LMX1B: variants seen among roughly 807,000 people sequenced by gnomAD.
LMX1B encodes the protein LIM homeobox transcription factor 1 beta.
A neutral mutation model predicts 51.4 loss-of-function variants in LMX1B; 12 were observed. The observed-to-expected ratio is 0.23, with a 90% confidence interval of 0.15 to 0.38. LMX1B has a LOEUF of 0.38. Ranked by LOEUF, LMX1B falls within the 10% of genes least tolerant of loss-of-function variation. The pLI is 1.00. For synonymous variants in LMX1B, 237 were observed against 235.4 expected, an observed-to-expected ratio of 1.01 and a Z score of -0.06; for missense variants, 445 against 571.1, an observed-to-expected ratio of 0.78 and a Z score of 2.25.
In LMX1B at chr9:126,677,812, C is replaced by T. The variant is rs1210216810; in HGVS notation, c.327-13024C>T. 6.6e-6 allele frequency among the ~76,000 whole-genome samples: 1 copy of T among 152,194 alleles called. No individual in the cohort carries two copies. Among genetic ancestry groups the T allele is most frequent in the Non-Finnish European group, 1.5e-5 (1 of 68,032 alleles). On this transcript the variant is annotated intron_variant, in intron 2 of 7. Transcript: ENST00000373474. This position sits in a 1 kb window ranked among gnomAD's most constrained non-coding sequence, Gnocchi z 5.0. ...TCAGGGCATTGCGGGGAGGAGGAAG[C>T]TTAGTCCAGATCTCAGGAAAGAGAC...
At position 126,696,307 on chromosome 9, in the gene LMX1B, C is replaced by A; in HGVS notation, c.1065C>A (p.Ile355=). Residue 355 remains isoleucine, a synonymous_variant, in exon 8 of 8, where the codon ATC becomes ATA. Coordinates refer to ENST00000373474, the MANE Select transcript of LMX1B (RefSeq NM_001174147.2). ...DHMNPYGNDS[I]FHDIDSDTSL... ...TCTGCCCCCCAGGGAACGACTCCAT[C>A]TTCCATGACATCGACAGCGATACCT... The A allele has an allele frequency of 6.2e-7, 1 of 1,614,088 alleles. No individual in the cohort carries two copies.
chr9:126,655,048 A>G (rs1375958192), intron 2 of LMX1B, among the ~76,000 whole-genome samples: 1 of 152,204 alleles, frequency 6.6e-6, no homozygotes, highest in African/African-American at 2.4e-5. Context: ...ACCCTGTGAA[A>G]TGGGGCGGTG....
At chr9:126,694,322 C>G (rs2030252253) in intron 6 of LMX1B, among the ~76,000 whole-genome samples, 1 of 152,178 alleles carries the variant, frequency 6.6e-6, no homozygotes. Flanking sequence ...GCCAGTAAGG[C>G]AAAGCTGGAC....
rs527338424 is a variant in LMX1B, at chr9:126,663,838, G to T, written c.327-26998G>T. On this transcript the variant is annotated intron_variant, in intron 2 of 7. Transcript: ENST00000373474. The stretch of plus-strand genomic sequence containing the variant: ...CTTGGTTGCCCTGCTTGGGAAATGG[G>T]CTCATCCCAGACCAGGCCACCCATG... Among the ~76,000 whole-genome samples, 7 of 152,362 alleles carry T rather than the reference G, an allele frequency of 4.6e-5. No individual in the cohort carries two copies. In the South Asian group the frequency reaches 1.2e-3, roughly 27 times the overall value.
chr9:126,633,741 C>T (rs1256984435), intron 2 of LMX1B, among the ~76,000 whole-genome samples: 1 of 152,198 alleles, frequency 6.6e-6, no homozygotes, highest in African/African-American at 2.4e-5. Context: ...AATTATACAG[C>T]ATGATGGAAG....
chr9:126,691,213 G>A (rs1003491845), intron 3 of LMX1B, 145 bp downstream of exon 3: 20 of 636,272 alleles, frequency 3.1e-5, no homozygotes, highest in African/African-American at 2.7e-4. Flanking sequence ...AGATGCACAC[G>A]CGCACTGACG....
chr9:126,643,688 G>A (rs1472274995), intron 2 of LMX1B, among the ~76,000 whole-genome samples: 1 of 152,160 alleles, frequency 6.6e-6, no homozygotes, highest in Non-Finnish European at 1.5e-5. Flanking sequence ...TGAGCATCCT[G>A]GGATCTCTGG....
chr9:126,624,208 G>T (rs933551475), intron 2 of LMX1B, among the ~76,000 whole-genome samples: 2 of 152,234 alleles, frequency 1.3e-5, no homozygotes, highest in Non-Finnish European at 2.9e-5. Flanking sequence ...GCTTCTCAGC[G>T]TTTCGGGGAC....
intron 2 of LMX1B, among the ~76,000 whole-genome samples, chr9:126,627,243 C>T (rs1212497366): frequency 6.6e-6 from 1 of 152,090 alleles, no homozygotes; most frequent in African/African-American, 2.4e-5. Context: ...GCAGCTGAGG[C>T]TCATCCACGA....
chr9:126,614,805 C>T (rs1835270626), intron 1 of LMX1B, among the ~76,000 whole-genome samples: 1 of 152,124 alleles, frequency 6.6e-6, no homozygotes, highest in Admixed American at 6.5e-5. Flanking sequence ...CGCCACCCAC[C>T]ATCCTTTCCA....
intron 2 of LMX1B, among the ~76,000 whole-genome samples, chr9:126,670,116 C>T (rs576007164): frequency 6.6e-6 from 1 of 152,286 alleles, no homozygotes; most frequent in South Asian, 2.1e-4. Flanking sequence ...AGAGTCCCGG[C>T]GTGTGCCTCA....
chr9:126,637,822 T>TCCCCCC (rs56108871), intron 2 of LMX1B, among the ~76,000 whole-genome samples: 4 of 91,996 alleles, frequency 4.3e-5, no homozygotes, highest in Non-Finnish European at 4.3e-5. Flanking sequence ...GTGCCTGTCC[T>TCCCCCC]CCCCCCCCCC....
chr9:126,670,460 G>A (rs116055617), intron 2 of LMX1B, among the ~76,000 whole-genome samples: 1,894 of 152,296 alleles, frequency 0.012, 33 homozygotes, highest in African/African-American at 0.043. Flanking sequence ...GTGCAGACGC[G>A]CTCAGATTTG....
At position 126,673,539 on chromosome 9, in the gene LMX1B, A is replaced by C. The variant is rs554178796; in HGVS notation, c.327-17297A>C. ...GGTGGAGATGGACAAGGGAACACAG[A>C]TTTGGGGCCAAACATGAGGCCACGG... is the stretch of plus-strand genomic sequence containing the variant. On this transcript the variant is annotated intron_variant, in intron 2 of 7. Transcript: ENST00000373474. This position sits in a 1 kb window ranked among gnomAD's most constrained non-coding sequence, Gnocchi z 4.4. Among the ~76,000 whole-genome samples, 1 of 152,192 alleles carries C rather than the reference A, an allele frequency of 6.6e-6. No homozygotes were observed. The highest frequency in any genetic ancestry group is 2.4e-5 in the African/African-American group (1 of 41,528).
rs1034469022 is a variant in LMX1B at position 126,618,199 on chromosome 9, T to C, written c.326+2630T>C. 6.6e-6 allele frequency among the ~76,000 whole-genome samples: 1 copy of C among 151,892 alleles called. No individual in the cohort carries two copies. The highest frequency in any genetic ancestry group is 1.5e-5 in the Non-Finnish European group (1 of 67,962). Reference sequence around the variant, plus strand: ...GTCAGCGGTATTGAGAAATTAACAATCCCCCCACCAAACACAACTTCTGAA... The same window carrying C: ...GTCAGCGGTATTGAGAAATTAACAACCCCCCCACCAAACACAACTTCTGAA... On this transcript the variant is annotated intron_variant, in intron 2 of 7. Coordinates refer to ENST00000373474, the MANE Select transcript of LMX1B (RefSeq NM_001174147.2). The surrounding 1 kb of genome is among the most constrained non-coding windows in gnomAD (Gnocchi z 4.5).
rs1340132531 is a variant in LMX1B, at chr9:126,697,651, G to C, written c.*1200G>C. ...CCACTGATGTCAGCCGGCCAGAAGTGAGCAGGCACATCACCTCTCCTGCTG... is the reference window on the plus strand; with the variant it reads ...CCACTGATGTCAGCCGGCCAGAAGTCAGCAGGCACATCACCTCTCCTGCTG... On this transcript the variant is annotated 3_prime_UTR_variant, in exon 8 of 8. Transcript: ENST00000373474. 2.0e-5 allele frequency: 3 copies of C among 152,354 alleles called. No homozygotes were observed. The highest frequency in any genetic ancestry group is 4.4e-5 in the Non-Finnish European group (3 of 68,154). 9.4% of individuals were successfully genotyped at this position (152,354 alleles called of 1,614,324 possible).
At chr9:126,648,397 G>T (rs1835942403) in intron 2 of LMX1B, among the ~76,000 whole-genome samples, 1 of 152,168 alleles carries the variant, frequency 6.6e-6, no homozygotes, top group Non-Finnish European at 1.5e-5. Context: ...GGAGAACCAG[G>T]CCAGGCTCTG....
rs1166126583 is a variant in LMX1B, at chr9:126,699,368, G to A, written c.*2917G>A. 2.0e-5 allele frequency: 3 copies of A among 152,222 alleles called. No homozygotes were observed. The highest frequency in any genetic ancestry group is 4.4e-5 in the Non-Finnish European group (3 of 68,062). 9.4% of individuals were successfully genotyped at this position (152,222 alleles called of 1,614,324 possible). A position where few individuals can be genotyped will look rare whatever the true frequency, so the allele number is the denominator to read the frequency against. On this transcript the variant is annotated 3_prime_UTR_variant, in exon 8 of 8. Transcript: ENST00000373474. ...GTTCTTAGTAAACTTGCCAGCTGTT[G>A]GGGTCACATATTCCCATTCTGGGGC...
At chr9:126,651,567 C>T (rs1317388339) in intron 2 of LMX1B, among the ~76,000 whole-genome samples, 2 of 152,096 alleles carry the variant, frequency 1.3e-5, no homozygotes, top group Non-Finnish European at 2.9e-5. Flanking sequence ...CCTGAGACCT[C>T]TAATTACGCC....
Sources: gnomAD v4.1 joint callset for allele counts (sites outside exome capture counted in the v4.1 genomes callset) on GRCh38, gnomAD v4.1.1 for gene constraint, Gnocchi (gnomAD v3.1) non-coding constraint, MANE v1.5 for transcripts, NCBI Gene and HGNC (gene_info 2026-07-23, HGNC 2026-07-21) for gene names.